Variants in LIMS2 observed in about 807,000 individuals in gnomAD.
LIMS2 encodes LIM and senescent cell antigen-like-containing domain protein 2.
A neutral mutation model predicts 45.3 loss-of-function variants in LIMS2; 30 were observed. The observed-to-expected ratio is 0.66, with a 90% confidence interval of 0.50 to 0.90. The LOEUF (loss-of-function observed/expected upper bound fraction) is 0.90, where lower values mean the gene tolerates loss of function less well. Ranked by LOEUF, LIMS2 falls within the 40% of genes least tolerant of loss-of-function variation. The probability of loss-of-function intolerance (pLI) is 0.00; values close to 1 mark genes in which losing one functional copy is unlikely to be tolerated. For synonymous variants in LIMS2, 173 were observed against 188.0 expected (o/e 0.92, Z 0.65); for missense variants, 485 against 468.7 (o/e 1.03, Z -0.32).
chr2:127,649,870 A>G (rs1301490278), intron 4 of LIMS2: 2 of 703,038 alleles, frequency 2.8e-6, no homozygotes, highest in African/African-American at 3.6e-5. Flanking sequence ...AGTGTCTCTG[A>G]CGCTGGGTAA....
intron 4 of LIMS2, chr2:127,651,325 T>C (rs372161035): frequency 3.7e-5 from 60 of 1,610,792 alleles, no homozygotes; most frequent in Non-Finnish European, 4.8e-5. Context: ...CTGGTGTCCC[T>C]GGCAGTGGCC....
rs748772535 is a variant in LIMS2 at position 127,640,352 on chromosome 2, G to A, written c.754-34C>T. The A allele has an allele frequency of 1.4e-5, 23 of 1,608,522 alleles. No homozygotes were observed. The Admixed American group carries it at 3.3e-4, about 23-fold the overall frequency. ...CGAGCAGGCTGTCAGAGTAGCTGCA[G>A]GCAGTCACACCCCAGCCCAGGGCCA... On this transcript the variant is annotated intron_variant, in intron 7 of 9. Coordinates refer to ENST00000355119, the MANE Select transcript of LIMS2 (RefSeq NM_001161403.3).
intron 4 of LIMS2, chr2:127,648,105 C>T (rs114657470): frequency 0.021 from 20,862 of 985,538 alleles, 263 homozygotes; most frequent in Middle Eastern, 0.037. Context: ...AAGTGCCAGC[C>T]GAGACCAGCC....
At chr2:127,650,314 C>G (rs145933795) in intron 4 of LIMS2, 5 of 566,398 alleles carry the variant, frequency 8.8e-6, no homozygotes, top group Non-Finnish European at 1.6e-5. Context: ...ACACTGCCCC[C>G]GCCCCTCACC....
At chr2:127,640,747 C>T in intron 7 of LIMS2, 149 bp downstream of exon 7, 1 of 692,682 alleles carries the variant, frequency 1.4e-6, no homozygotes, top group Non-Finnish European at 2.5e-6. Flanking sequence ...TCTCGAGACC[C>T]CAGGCCAGGA....
chr2:127,668,384 A>C (rs951609727), intron 1 of LIMS2, among the ~76,000 whole-genome samples: 1 of 152,062 alleles, frequency 6.6e-6, no homozygotes, highest in Non-Finnish European at 1.5e-5. Context: ...AAAAAAACAA[A>C]GAGGCCAGGT....
At chr2:127,651,120 C>A in intron 4 of LIMS2, 1 of 1,613,506 alleles carries the variant, frequency 6.2e-7, no homozygotes. Flanking sequence ...CAGCGCCGAC[C>A]GTTTCCTGGC....
In LIMS2 at chr2:127,642,620, C is replaced by A. The variant is rs1682549687; in HGVS notation, c.509+303G>T. On this transcript the variant is annotated intron_variant, in intron 5 of 9. Coordinates refer to ENST00000355119, the MANE Select transcript of LIMS2 (RefSeq NM_001161403.3). This position sits in a 1 kb window ranked among gnomAD's most constrained non-coding sequence, Gnocchi z 5.3. ...CACTCCCGGTCTCTTGCCCTGCCCC[C>A]TCAGGTCCCTTCCACTGCTCCATCT... is the stretch of plus-strand genomic sequence containing the variant. 4.4e-5 allele frequency: 19 copies of A among 431,692 alleles called. No homozygotes were observed. In the East Asian group the frequency reaches 7.9e-4, roughly 18 times the overall value. 26.7% of individuals were successfully genotyped at this position (431,692 alleles called of 1,614,324 possible).
Position 127,664,733 on chromosome 2 carries a change from C to T in LIMS2, c.12-7171G>A, listed in dbSNP as rs1684916199. 1 of 400,742 alleles carries T rather than the reference C, an allele frequency of 2.5e-6. No individual in the cohort carries two copies. Among genetic ancestry groups the T allele is most frequent in the Non-Finnish European group, 3.4e-6 (1 of 295,362 alleles). 24.8% of individuals were successfully genotyped at this position (400,742 alleles called of 1,614,324 possible). A position where few individuals can be genotyped will look rare whatever the true frequency, so the allele number is the denominator to read the frequency against. ...GGCGGCAGGACACCCAGGAGGTCTC[C>T]GGCTGCCACCTGCCAGGAGGAAAGC... On this transcript the variant is annotated intron_variant, in intron 1 of 9. Coordinates refer to ENST00000355119, the MANE Select transcript of LIMS2 (RefSeq NM_001161403.3). This position sits in a 1 kb window ranked among gnomAD's most constrained non-coding sequence, Gnocchi z 5.5.
At chr2:127,661,756 C>T (rs1048469682) in intron 1 of LIMS2, among the ~76,000 whole-genome samples, 1 of 152,192 alleles carries the variant, frequency 6.6e-6, no homozygotes, top group Non-Finnish European at 1.5e-5. Flanking sequence ...GTCCCTGAGT[C>T]TGAGGTGGGA....
At position 127,642,877 on chromosome 2, in the gene LIMS2, C is replaced by G. The variant is rs1266696833; in HGVS notation, c.509+46G>C. 2.6e-6 allele frequency: 4 copies of G among 1,540,608 alleles called. No homozygotes were observed. The African/African-American group carries it at 5.5e-5, about 21-fold the overall frequency. On this transcript the variant is annotated intron_variant, in intron 5 of 9. Transcript: ENST00000355119. This position sits in a 1 kb window ranked among gnomAD's most constrained non-coding sequence, Gnocchi z 5.3. ...CCCACCGCCCTTACCCTGGGCCAGC[C>G]CTGGCTCCCCGCCCCCACAACTGCA...
chr2:127,663,475 C>T (rs941836652), intron 1 of LIMS2, among the ~76,000 whole-genome samples: 1 of 152,202 alleles, frequency 6.6e-6, no homozygotes, highest in Non-Finnish European at 1.5e-5. Context: ...ATGGCTCAGT[C>T]CTCTAATTGC....
chr2:127,665,535 G>T (rs1353893689), intron 1 of LIMS2, among the ~76,000 whole-genome samples: 1 of 152,218 alleles, frequency 6.6e-6, no homozygotes, highest in Non-Finnish European at 1.5e-5. Flanking sequence ...TTCCAAAGTT[G>T]CCCAACACTG....
intron 1 of LIMS2, among the ~76,000 whole-genome samples, chr2:127,663,988 C>T (rs1023736747): frequency 6.6e-6 from 1 of 152,186 alleles, no homozygotes; most frequent in Non-Finnish European, 1.5e-5. Context: ...CTGCTCTGCT[C>T]AGAACCTGTC....
At chr2:127,641,405 A>C in intron 6 of LIMS2, 1 of 192,310 alleles carries the variant, frequency 5.2e-6, no homozygotes, top group Non-Finnish European at 1.1e-5. Flanking sequence ...TCCTGCAGGC[A>C]CCCCCTGCAA....
chr2:127,642,114 C>T lies in LIMS2; in HGVS notation c.595G>A (p.Gly199Arg), dbSNP rs747408703. ...CHDKMGVPIC[G>R]ACRRPIEGRV... is the part of the protein sequence containing the mutation. ...CCCTCGATGGGCCGGCGGCAGGCCC[C>T]GCAGATGGGGACGCCCATCTTGTCA... Residue 199 changes from glycine to arginine, a missense_variant, in exon 6 of 10, where the codon GGG (glycine) becomes AGG (arginine). Transcript: ENST00000355119. The surrounding 1 kb of genome is among the most constrained non-coding windows in gnomAD (Gnocchi z 5.3). 5.0e-6 allele frequency: 8 copies of T among 1,608,024 alleles called. No individual in the cohort carries two copies. The highest frequency in any genetic ancestry group is 3.4e-5 in the Admixed American group (2 of 59,650).
intron 1 of LIMS2, among the ~76,000 whole-genome samples, chr2:127,681,116 A>G (rs1368723689): frequency 6.6e-6 from 1 of 152,174 alleles, no homozygotes; most frequent in East Asian, 1.9e-4. Flanking sequence ...CGCCCGCAGA[A>G]GGCCCCGCGT....
intron 4 of LIMS2, among the ~76,000 whole-genome samples, chr2:127,649,492 C>T (rs1455299587): frequency 6.6e-6 from 1 of 152,244 alleles, no homozygotes; most frequent in African/African-American, 2.4e-5. Flanking sequence ...ACCCACCTGG[C>T]CGAAGCCCGC....
chr2:127,658,036 G>A (rs1684378569), intron 1 of LIMS2, among the ~76,000 whole-genome samples: 1 of 152,202 alleles, frequency 6.6e-6, no homozygotes, highest in African/African-American at 2.4e-5. Context: ...CCATGAGTTA[G>A]TTTCAAACTG....
Sources: allele counts gnomAD v4.1 joint callset (sites outside exome capture counted in the v4.1 genomes callset), GRCh38; gene constraint gnomAD v4.1.1; non-coding constraint Gnocchi (gnomAD v3.1); transcripts MANE v1.5; gene names NCBI Gene and HGNC (gene_info 2026-07-23, HGNC 2026-07-21).